RAB27B: variants seen among roughly 807,000 people sequenced by gnomAD.
RAB27B encodes RAB27B, member RAS oncogene family, also known as ras-related protein Rab-27B.
In RAB27B, 15 loss-of-function variants were observed where a neutral mutation model predicts 24.6. The ratio of observed to expected loss-of-function variants is 0.61; its 90% CI spans 0.41 to 0.94. The LOEUF is 0.94. RAB27B is among the 40% of genes least tolerant of loss of function. RAB27B has a pLI of 0.00. For synonymous variants in RAB27B, 105 were observed against 92.5 expected, an observed-to-expected ratio of 1.14 and a Z score of -0.78; for missense variants, 261 against 266.8, an observed-to-expected ratio of 0.98 and a Z score of 0.15.
chr18:54,865,929 G>C (rs1397717787), intron 1 of RAB27B, among the ~76,000 whole-genome samples: 4 of 152,194 alleles, frequency 2.6e-5, no homozygotes. Context: ...TTGGAAGTAA[G>C]TTATGCAGGA....
chr18:54,781,707 G>A (rs1174709039), intron 2 of RAB27B, among the ~76,000 whole-genome samples: 12 of 152,140 alleles, frequency 7.9e-5, no homozygotes. Context: ...TACATTTATA[G>A]CATTGCATAT....
chr18:54,780,811 C>T (rs1908891570), intron 2 of RAB27B, among the ~76,000 whole-genome samples: 1 of 152,170 alleles, frequency 6.6e-6, no homozygotes, highest in Non-Finnish European at 1.5e-5. Flanking sequence ...AACAAATTCT[C>T]CAGGTGATTC....
chr18:54,836,849 T>A (rs962619541), intron 1 of RAB27B, among the ~76,000 whole-genome samples: 65 of 152,102 alleles, frequency 4.3e-4, no homozygotes, highest in African/African-American at 1.5e-3. Flanking sequence ...AGGAGCAAAA[T>A]TTCTGCCTGT....
At chr18:54,846,592 C>T (rs1189371883) in intron 1 of RAB27B, among the ~76,000 whole-genome samples, 1 of 152,158 alleles carries the variant, frequency 6.6e-6, no homozygotes, top group Non-Finnish European at 1.5e-5. Context: ...AACCAGAGAA[C>T]CTTTGATACC....
intron 1 of RAB27B, among the ~76,000 whole-genome samples, chr18:54,862,553 G>C (rs1172526551): frequency 6.6e-6 from 1 of 152,190 alleles, no homozygotes; most frequent in Non-Finnish European, 1.5e-5. Flanking sequence ...GAGAAAAATG[G>C]TTTTCAGACC....
intron 1 of RAB27B, among the ~76,000 whole-genome samples, chr18:54,848,231 C>T (rs556158254): frequency 6.6e-6 from 1 of 152,242 alleles, no homozygotes; most frequent in East Asian, 1.9e-4. Flanking sequence ...CAGCTTTAGG[C>T]TAAACTTGAT....
At chr18:54,817,085 C>G (rs537674293) in intron 2 of RAB27B, among the ~76,000 whole-genome samples, 1 of 152,260 alleles carries the variant, frequency 6.6e-6, no homozygotes, top group African/African-American at 2.4e-5. Context: ...ATCAAAGTTA[C>G]TGAAATTTAA....
At chr18:54,860,378 C>G (rs1392907460) in intron 1 of RAB27B, among the ~76,000 whole-genome samples, 14 of 152,168 alleles carry the variant, frequency 9.2e-5, no homozygotes, top group Admixed American at 9.2e-4. Flanking sequence ...GCTTCTGCTT[C>G]CATCTAAGCC....
At chr18:54,794,763 G>A (rs1189076410) in intron 2 of RAB27B, among the ~76,000 whole-genome samples, 1 of 152,178 alleles carries the variant, frequency 6.6e-6, no homozygotes, top group Non-Finnish European at 1.5e-5. Flanking sequence ...GAGTGCAGGA[G>A]CAGTTTAGTT....
intron 2 of RAB27B, among the ~76,000 whole-genome samples, chr18:54,802,990 C>T (rs1342051372): frequency 1.3e-5 from 2 of 152,112 alleles, no homozygotes; most frequent in Non-Finnish European, 2.9e-5. Flanking sequence ...TTTATTCATT[C>T]ATTTATTCAG....
chr18:54,760,122 G>A (rs574820489), intron 2 of RAB27B, among the ~76,000 whole-genome samples: 1 of 152,264 alleles, frequency 6.6e-6, no homozygotes, highest in East Asian at 1.9e-4. Flanking sequence ...CCCCCCAGAA[G>A]CTGCCGTGGG....
intron 2 of RAB27B, among the ~76,000 whole-genome samples, chr18:54,808,977 A>C (rs912537600): frequency 4.6e-5 from 7 of 152,252 alleles, no homozygotes; most frequent in African/African-American, 1.4e-4. Context: ...CCCAGTGTCC[A>C]CAGAAGAACT....
At chr18:54,848,794 G>A (rs1289846529) in intron 1 of RAB27B, among the ~76,000 whole-genome samples, 1 of 152,034 alleles carries the variant, frequency 6.6e-6, no homozygotes, top group African/African-American at 2.4e-5. Flanking sequence ...AGGGGTGTCT[G>A]TTCCCAGGGA....
rs370058686 is a variant in RAB27B, at chr18:54,733,704, T to A, written c.-20+15563T>A. ...TTGGCCTTCCAGAAGTTTACTTCTTTCCTATTCCCTGTCCTAGGACTCTAG... is the reference window on the plus strand; with the variant it reads ...TTGGCCTTCCAGAAGTTTACTTCTTACCTATTCCCTGTCCTAGGACTCTAG... On this transcript the variant is annotated intron_variant, in intron 2 of 4. Transcript: ENST00000586570. 6.3e-5 allele frequency among the ~76,000 whole-genome samples: 9 copies of A among 143,984 alleles called. No homozygotes were observed. The South Asian group carries it at 2.2e-3, about 36-fold the overall frequency. The allele number at this position is 143,984 out of a possible 152,430, so 94.5% of individuals were successfully genotyped here.
At chr18:54,759,584 G>A (rs73959293) in intron 2 of RAB27B, among the ~76,000 whole-genome samples, 8,454 of 152,270 alleles carry the variant, frequency 0.056, 301 homozygotes, top group Admixed American at 0.085. Flanking sequence ...AGTCCCTGGC[G>A]AGGGCCACAC....
intron 1 of RAB27B, among the ~76,000 whole-genome samples, chr18:54,867,445 T>TTCTTTTCTTTC (rs67270276): frequency 8.2e-6 from 1 of 122,492 alleles, no homozygotes. Context: ...TTCTTTTCTT[T>TTCTTTTCTTTC]TTTTTTTTTT....
At position 54,795,917 on chromosome 18, in the gene RAB27B, A is replaced by G. The variant is rs190506592; in HGVS notation, c.-20+77776A>G. Reference sequence around the variant, plus strand: ...AACTTTATTGAGGTCTAGTCAACATATGCTGCACATATTTAGTGTACCATT... The same window carrying G: ...AACTTTATTGAGGTCTAGTCAACATGTGCTGCACATATTTAGTGTACCATT... On this transcript the variant is annotated intron_variant, in intron 2 of 4. Transcript: ENST00000586570. Among the ~76,000 whole-genome samples, 4 of 152,296 alleles carry G rather than the reference A, an allele frequency of 2.6e-5. No individual in the cohort carries two copies. In the East Asian group the frequency reaches 7.7e-4, roughly 29 times the overall value.
chr18:54,886,786 T>C (rs969804442), intron 4 of RAB27B, among the ~76,000 whole-genome samples: 2 of 152,128 alleles, frequency 1.3e-5, no homozygotes, highest in Non-Finnish European at 2.9e-5. Flanking sequence ...TTGTCATGCC[T>C]AATAACACTT....
At chr18:54,820,999 A>C (rs972854926) in intron 2 of RAB27B, among the ~76,000 whole-genome samples, 1 of 152,144 alleles carries the variant, frequency 6.6e-6, no homozygotes, top group African/African-American at 2.4e-5. Flanking sequence ...TACAAGTACC[A>C]TGCTGTTTTG....
Sources: gnomAD v4.1 joint callset for allele counts (sites outside exome capture counted in the v4.1 genomes callset) on GRCh38, gnomAD v4.1.1 for gene constraint, MANE v1.5 for transcripts, NCBI Gene and HGNC (gene_info 2026-07-23, HGNC 2026-07-21) for gene names.